Variants in RGPD2 observed in about 807,000 individuals in gnomAD.
RGPD2 encodes the protein RANBP2-like and GRIP domain-containing protein 2.
RGPD2 carries 2 observed loss-of-function variants against 36.0 expected under a neutral mutation model. The ratio of observed to expected loss-of-function variants is 0.06; its 90% CI spans 0.02 to 0.17. The LOEUF is 0.17. Ranked by LOEUF, RGPD2 falls within the 10% of genes least tolerant of loss-of-function variation. The pLI, the probability that RGPD2 is intolerant of heterozygous loss-of-function variation, is 1.00. For missense variants in RGPD2, 40 were observed against 464.3 expected (o/e 0.09, Z 8.40); for synonymous variants, 19 against 163.8 (o/e 0.12, Z 6.75).
the RGPD2 span, among the ~76,000 whole-genome samples, chr2:87,883,435 C>A: frequency 6.6e-6 from 1 of 151,754 alleles, no homozygotes; most frequent in African/African-American, 2.4e-5. Flanking sequence ...AAACAGTTAA[C>A]AAAGTGGCAG....
chr2:87,985,342 A>T, the RGPD2 span, among the ~76,000 whole-genome samples: 4 of 150,852 alleles, frequency 2.7e-5, no homozygotes, highest in African/African-American at 9.8e-5. Context: ...AAACAATGTT[A>T]AACAAGGAGT....
the RGPD2 span, among the ~76,000 whole-genome samples, chr2:87,943,323 G>T: frequency 6.9e-6 from 1 of 145,914 alleles, no homozygotes; most frequent in Non-Finnish European, 1.5e-5. Flanking sequence ...ATATCTCATT[G>T]TGGTATTAAT....
intron 1 of RGPD2, chr2:87,825,180 T>TC: frequency 2.5e-6 from 1 of 392,854 alleles, no homozygotes; most frequent in Admixed American, 4.4e-5. Context: ...TCATTCTATT[T>TC]CCCCCTCTAT....
At chr2:87,985,683 C>T in the RGPD2 span, 1 of 1,444,124 alleles carries the variant, frequency 6.9e-7, no homozygotes, top group South Asian at 1.2e-5. Flanking sequence ...GCAACCATTA[C>T]ATTAACAGAA....
At chr2:87,905,625 TG>T in the RGPD2 span, among the ~76,000 whole-genome samples, 2 of 151,660 alleles carry the variant, frequency 1.3e-5, no homozygotes, top group African/African-American at 4.8e-5. Context: ...AGGGGTGGAA[TG>T]GGGGCAGGGA....
At chr2:87,973,430 CGCA>C in the RGPD2 span, among the ~76,000 whole-genome samples, 2 of 134,118 alleles carry the variant, frequency 1.5e-5, no homozygotes, top group Non-Finnish European at 3.3e-5. Context: ...GATTCTGTAC[CGCA>C]GGTCTTTCCC....
At chr2:87,986,989 G>A in the RGPD2 span, among the ~76,000 whole-genome samples, 1 of 128,520 alleles carries the variant, frequency 7.8e-6, no homozygotes, top group Admixed American at 8.2e-5. Flanking sequence ...ATGCATCCAC[G>A]AATAGCAATG....
the RGPD2 span, among the ~76,000 whole-genome samples, chr2:87,945,072 T>C: frequency 6.6e-6 from 1 of 151,718 alleles, no homozygotes; most frequent in East Asian, 1.9e-4. Flanking sequence ...CTACATAAAT[T>C]CATAAACAGG....
At chr2:87,975,640 T>G in the RGPD2 span, among the ~76,000 whole-genome samples, 2 of 152,062 alleles carry the variant, frequency 1.3e-5, no homozygotes, top group Non-Finnish European at 2.9e-5. Context: ...CTCCACATAC[T>G]AACACTTTTA....
At chr2:87,768,957 C>CT (rs1685025165) in intron 22 of RGPD2, among the ~76,000 whole-genome samples, 2 of 6,928 alleles carry the variant, frequency 2.9e-4, no homozygotes, top group Non-Finnish European at 6.0e-4. Context: ...TTGTAGTTTA[C>CT]ATTTTTTTTT....
chr2:87,843,373 C>T, the RGPD2 span, among the ~76,000 whole-genome samples: 199 of 114,374 alleles, frequency 1.7e-3, no homozygotes, highest in East Asian at 3.7e-3. Context: ...AAGAAAAAAA[C>T]AAACAACCCC....
At chr2:87,961,911 G>A in the RGPD2 span, among the ~76,000 whole-genome samples, 1 of 143,554 alleles carries the variant, frequency 7.0e-6, no homozygotes, top group Non-Finnish European at 1.5e-5. Flanking sequence ...GGCTCAAGCC[G>A]GTAGCCCCAG....
chr2:87,962,754 GA>G, the RGPD2 span, among the ~76,000 whole-genome samples: 6 of 151,942 alleles, frequency 3.9e-5, no homozygotes, highest in African/African-American at 1.5e-4. Context: ...AGGAGTTGGA[GA>G]CTGCAATGAG....
At chr2:87,913,195 A>G in the RGPD2 span, among the ~76,000 whole-genome samples, 1 of 152,058 alleles carries the variant, frequency 6.6e-6, no homozygotes, top group African/African-American at 2.4e-5. Context: ...CATATACACC[A>G]TGGAATACTA....
chr2:87,929,234 G>T, the RGPD2 span, among the ~76,000 whole-genome samples: 1 of 151,762 alleles, frequency 6.6e-6, no homozygotes, highest in Non-Finnish European at 1.5e-5. Context: ...TTTGTATAAG[G>T]TGTAAGAAAG....
At chr2:87,914,893 T>G in the RGPD2 span, among the ~76,000 whole-genome samples, 3 of 152,154 alleles carry the variant, frequency 2.0e-5, no homozygotes, top group Non-Finnish European at 4.4e-5. Context: ...GGAATTTGCA[T>G]TTTAAAAAGG....
At chr2:87,839,946 G>A in the RGPD2 span, among the ~76,000 whole-genome samples, 1 of 151,524 alleles carries the variant, frequency 6.6e-6, no homozygotes, top group African/African-American at 2.4e-5. Context: ...TACACAAATA[G>A]CACACTTACT....
At chr2:87,933,082 G>T in the RGPD2 span, among the ~76,000 whole-genome samples, 1 of 117,384 alleles carries the variant, frequency 8.5e-6, no homozygotes. Context: ...TCTATTTCAG[G>T]TACACCAGTC....
chr2:87,893,581 C>T, the RGPD2 span, among the ~76,000 whole-genome samples: 1 of 120,426 alleles, frequency 8.3e-6, no homozygotes, highest in Non-Finnish European at 1.7e-5. Context: ...TAATTTACTA[C>T]CCGATTTTAT....
Sources: allele counts gnomAD v4.1 joint callset (sites outside exome capture counted in the v4.1 genomes callset), GRCh38; gene constraint gnomAD v4.1.1; transcripts MANE v1.5; gene names NCBI Gene and HGNC (gene_info 2026-07-23, HGNC 2026-07-21).